The following DLC1 variants were observed in gnomAD, a reference collection of about 807,000 sequenced individuals.
DLC1 encodes DLC1 Rho GTPase activating protein.
Under a neutral mutation model 140.3 loss-of-function variants are expected in DLC1, and 54 were observed. The ratio of observed to expected loss-of-function variants is 0.38; its 90% CI spans 0.31 to 0.48. DLC1 has a LOEUF of 0.48. Among genes scored for constraint, DLC1 ranks in the 20% least tolerant of loss-of-function variants. The pLI is 0.96. For missense variants in DLC1, 2,536 were observed against 1,907.0 expected (o/e 1.33, Z -6.14); for synonymous variants, 986 against 728.1 (o/e 1.35, Z -5.70).
At position 13,325,608 on chromosome 8, in the gene DLC1, C is replaced by G. The variant is rs62492908; in HGVS notation, c.1315-20306G>C. 9.2e-4 allele frequency among the ~76,000 whole-genome samples: 140 copies of G among 152,268 alleles called. 1 individual carries two copies. Among genetic ancestry groups the G allele is most frequent in the Admixed American group, 1.5e-3 (23 of 15,302 alleles). On this transcript the variant is annotated intron_variant, in intron 4 of 17. Coordinates refer to ENST00000276297, the MANE Select transcript of DLC1 (RefSeq NM_182643.3). ...ATGCTGTCCAAGAACAAGTCTCAGT[C>G]AACCATGGGTCTTTCATGTAAAGAC... is the stretch of plus-strand genomic sequence containing the variant.
Position 13,405,167 on chromosome 8 carries a change from A to G in DLC1, c.1024-3548T>C, listed in dbSNP as rs1207442698. ...ATTTTTTATTTCAACTTTCAGACTC[A>G]GAACTGCATGTGCAGGCTTGTTACA... On this transcript the variant is annotated intron_variant, in intron 2 of 17. Coordinates refer to ENST00000276297, the MANE Select transcript of DLC1 (RefSeq NM_182643.3). 4.6e-5 allele frequency among the ~76,000 whole-genome samples: 7 copies of G among 152,080 alleles called. No homozygotes were observed. In the East Asian group the frequency reaches 1.4e-3, roughly 29 times the overall value.
At chr8:13,389,055 C>G (rs7815818) in intron 4 of DLC1, among the ~76,000 whole-genome samples, 3,471 of 152,070 alleles carry the variant, frequency 0.023, 125 homozygotes, top group African/African-American at 0.078. Flanking sequence ...ATCCTGTGTA[C>G]TCTTGATGTT....
chr8:13,087,101 A>C (rs541856258), intron 16 of DLC1, among the ~76,000 whole-genome samples: 126 of 152,286 alleles, frequency 8.3e-4, no homozygotes, highest in South Asian at 3.1e-3. Context: ...GGGATGACAC[A>C]GCAAAAAGAC....
chr8:13,239,742 G>A (rs1425922647), intron 5 of DLC1, among the ~76,000 whole-genome samples: 1 of 152,196 alleles, frequency 6.6e-6, no homozygotes, highest in Non-Finnish European at 1.5e-5. Flanking sequence ...AGAATCCAGT[G>A]GGGTGATATA....
At chr8:13,534,791 A>G (rs1016067550) in intron 1 of DLC1, among the ~76,000 whole-genome samples, 2 of 152,170 alleles carry the variant, frequency 1.3e-5, no homozygotes, top group African/African-American at 4.8e-5. Flanking sequence ...AGGCTTCTAT[A>G]AAGAGCTTGC....
In DLC1 at chr8:13,361,390, G is replaced by A. The variant is rs78095401; in HGVS notation, c.1314+32163C>T. The stretch of plus-strand genomic sequence containing the variant: ...CTGACTCAACCTCCTGAGCAGCTGG[G>A]ACTACAGGGGCATGCTAACATGCTC... On this transcript the variant is annotated intron_variant, in intron 4 of 17. Transcript: ENST00000276297. Among the ~76,000 whole-genome samples the A allele has an allele frequency of 2.5e-4, 38 of 152,040 alleles. 1 individual carries two copies. In the East Asian group the frequency reaches 5.5e-3, roughly 22 times the overall value.
intron 5 of DLC1, among the ~76,000 whole-genome samples, chr8:13,118,995 G>C (rs1480411572): frequency 6.6e-6 from 1 of 152,106 alleles, no homozygotes; most frequent in African/African-American, 2.4e-5. Flanking sequence ...TTGGGAGGGA[G>C]AGTTGGGTGG....
intron 1 of DLC1, among the ~76,000 whole-genome samples, chr8:13,555,282 C>G (rs1393819737): frequency 1.3e-5 from 2 of 152,062 alleles, no homozygotes; most frequent in Admixed American, 6.5e-5. Context: ...TTGTTATCTG[C>G]TGACACACCA....
chr8:13,088,513 A>G lies in DLC1; in HGVS notation c.4266T>C (p.His1422=), dbSNP rs1817760562. 6.2e-7 allele frequency: 1 copy of G among 1,614,114 alleles called. No individual in the cohort carries two copies. Among genetic ancestry groups the G allele is most frequent in the African/African-American group, 1.3e-5 (1 of 74,952 alleles). ...TTAAAACAACGTAGTCTCGAGCAGGATGAGGTGCCATACTGTTTTGGACAT... is the reference window on the plus strand; with the variant it reads ...TTAAAACAACGTAGTCTCGAGCAGGGTGAGGTGCCATACTGTTTTGGACAT... ...YQYVQNSMAP[H]PARDYVVLRT... Residue 1422 remains histidine, a synonymous_variant, in exon 16 of 18, where the codon CAT becomes CAC. Transcript: ENST00000276297.
At chr8:13,180,567 A>G (rs117061193) in intron 5 of DLC1, among the ~76,000 whole-genome samples, 8,755 of 152,234 alleles carry the variant, frequency 0.058, 359 homozygotes, top group South Asian at 0.092. Flanking sequence ...AATTTTGGCA[A>G]TAACTTTCAC....
chr8:13,200,396 A>G (rs1165639444), intron 5 of DLC1, among the ~76,000 whole-genome samples: 1 of 152,074 alleles, frequency 6.6e-6, no homozygotes, highest in Non-Finnish European at 1.5e-5. Flanking sequence ...TTTTACAGGT[A>G]TGGAAATTGA....
At chr8:13,123,568 G>A (rs543163655) in intron 5 of DLC1, among the ~76,000 whole-genome samples, 2 of 149,146 alleles carry the variant, frequency 1.3e-5, no homozygotes, top group African/African-American at 5.0e-5. Context: ...GGCTGGTTTC[G>A]AATTCCTGAC....
intron 6 of DLC1, among the ~76,000 whole-genome samples, chr8:13,114,352 A>G (rs1183196893): frequency 6.6e-6 from 1 of 152,134 alleles, no homozygotes; most frequent in African/African-American, 2.4e-5. Context: ...ACAGAGCGAG[A>G]CTCCGTCTCA....
intron 4 of DLC1, among the ~76,000 whole-genome samples, chr8:13,377,845 CGA>C (rs1483069956): frequency 6.6e-6 from 1 of 151,624 alleles, no homozygotes; most frequent in Non-Finnish European, 1.5e-5. Flanking sequence ...CCTCCTATTT[CGA>C]GTCTTGTGTT....
intron 5 of DLC1, among the ~76,000 whole-genome samples, chr8:13,123,343 A>G (rs1398263940): frequency 9.7e-6 from 1 of 103,618 alleles, no homozygotes; most frequent in African/African-American, 3.8e-5. Flanking sequence ...CCGCCCCCGC[A>G]CCTTTTTGGT....
intron 5 of DLC1, among the ~76,000 whole-genome samples, chr8:13,166,633 C>T (rs1428357871): frequency 1.3e-5 from 2 of 152,166 alleles, no homozygotes; most frequent in African/African-American, 2.4e-5. Context: ...GCTCCAGGCC[C>T]GATTTCTCTT....
rs566484182 is a variant in DLC1 at position 13,324,237 on chromosome 8, T to C, written c.1315-18935A>G. Reference sequence around the variant, plus strand: ...AACTCAAGGTTTTTAGTAGTTTATATTATTGAGGCATATGTAGTAGACATG... The same window carrying C: ...AACTCAAGGTTTTTAGTAGTTTATACTATTGAGGCATATGTAGTAGACATG... On this transcript the variant is annotated intron_variant, in intron 4 of 17. Coordinates refer to ENST00000276297, the MANE Select transcript of DLC1 (RefSeq NM_182643.3). Among the ~76,000 whole-genome samples, 3 of 152,350 alleles carry C rather than the reference T, an allele frequency of 2.0e-5. No homozygotes were observed. In the South Asian group the frequency reaches 6.2e-4, roughly 32 times the overall value.
intron 5 of DLC1, among the ~76,000 whole-genome samples, chr8:13,269,936 G>A (rs1266439941): frequency 1.3e-5 from 2 of 150,784 alleles, no homozygotes; most frequent in Admixed American, 6.6e-5. Context: ...GCATGGTGGC[G>A]GGCGCCTGTA....
At chr8:13,542,789 A>G (rs888821819) in intron 1 of DLC1, among the ~76,000 whole-genome samples, 6 of 152,132 alleles carry the variant, frequency 3.9e-5, no homozygotes, top group Non-Finnish European at 1.5e-5. Flanking sequence ...ATGTAGAAAT[A>G]CGAATTGAGT....
Sources: allele counts gnomAD v4.1 joint callset (sites outside exome capture counted in the v4.1 genomes callset), GRCh38; gene constraint gnomAD v4.1.1; transcripts MANE v1.5; gene names NCBI Gene and HGNC (gene_info 2026-07-23, HGNC 2026-07-21).